Variants in SNRNP70 observed in about 807,000 individuals in gnomAD.
The protein encoded by SNRNP70 is small nuclear ribonucleoprotein U1 subunit 70, also known as U1 small nuclear ribonucleoprotein 70 kDa.
SNRNP70 carries 8 observed loss-of-function variants against 50.5 expected under a neutral mutation model. The observed-to-expected ratio is 0.16, with a 90% confidence interval of 0.09 to 0.29. SNRNP70 has a LOEUF of 0.29. SNRNP70 is among the 10% of genes least tolerant of loss of function. SNRNP70 has a pLI of 1.00. For missense variants in SNRNP70, 529 were observed against 663.5 expected, an observed-to-expected ratio of 0.80 and a Z score of 2.23; for synonymous variants, 320 against 252.9, an observed-to-expected ratio of 1.27 and a Z score of -2.52.
chr19:49,093,118 G>A (rs2040468649), intron 4 of SNRNP70, among the ~76,000 whole-genome samples: 1 of 151,216 alleles, frequency 6.6e-6, no homozygotes, highest in Non-Finnish European at 1.5e-5. Flanking sequence ...TTTTTTAGAT[G>A]GAGTTTTGCT....
At position 49,097,293 on chromosome 19, in the gene SNRNP70, C is replaced by T. The variant is rs988237978; in HGVS notation, c.266-1134C>T. Among the ~76,000 whole-genome samples the T allele has an allele frequency of 4.6e-5, 7 of 152,058 alleles. 1 individual carries two copies. Among genetic ancestry groups the T allele is most frequent in the Admixed American group, 2.6e-4 (4 of 15,262 alleles). ...TGGCCCTTCGCCACTTTAACACCTC[C>T]CTTTTTCTGTGTCTCGAGTTTGTTC... is the stretch of plus-strand genomic sequence containing the variant. On this transcript the variant is annotated intron_variant, in intron 4 of 9. Transcript: ENST00000598441.
At chr19:49,094,530 G>A (rs1056379435) in intron 4 of SNRNP70, among the ~76,000 whole-genome samples, 1 of 152,142 alleles carries the variant, frequency 6.6e-6, no homozygotes, top group Non-Finnish European at 1.5e-5. Flanking sequence ...GGAGGATAGG[G>A]ATGAAACAAG....
At chr19:49,091,513 C>T (rs972124303) in intron 4 of SNRNP70, among the ~76,000 whole-genome samples, 5 of 152,098 alleles carry the variant, frequency 3.3e-5, no homozygotes, top group Non-Finnish European at 7.4e-5. Flanking sequence ...AGCAGTGGGA[C>T]GCACCCTCTA....
chr19:49,108,157 C>A lies in SNRNP70; in HGVS notation c.1028C>A (p.Pro343Gln). The A allele has an allele frequency of 6.5e-7, 1 of 1,543,310 alleles. No individual in the cohort carries two copies. Among genetic ancestry groups the A allele is most frequent in the Non-Finnish European group, 8.7e-7 (1 of 1,144,516 alleles). ...CTCGGGCCTGACGGCCCTGACGGTC[C>A]AGAGGAAAAGGGCCGGGATCGTGAC... is the stretch of plus-strand genomic sequence containing the variant. ...GELGPDGPDG[P>Q]EEKGRDRDRE... Residue 343 changes from proline to glutamine, a missense_variant, in exon 10 of 10, where the codon CCA becomes CAA. By Grantham distance (76) the Pro-to-Gln change is moderately conservative (BLOSUM62 -1). Coordinates refer to ENST00000598441, the MANE Select transcript of SNRNP70 (RefSeq NM_003089.6).
At position 49,095,968 on chromosome 19, in the gene SNRNP70, G is replaced by A. The variant is rs376750163; in HGVS notation, c.266-2459G>A. 2.7e-3 allele frequency among the ~76,000 whole-genome samples: 346 copies of A among 128,238 alleles called. 1 individual carries two copies. The highest frequency in any genetic ancestry group is 3.0e-3 in the Non-Finnish European group (181 of 61,006). The allele number at this position is 128,238 out of a possible 152,430, so 84.1% of individuals were successfully genotyped here. ...TTACCTATTGAATGAATGAGAGTTA[G>A]CTGGTGCAAAAAAAAAAAAAAAAAA... On this transcript the variant is annotated intron_variant, in intron 4 of 9. Transcript: ENST00000598441.
chr19:49,086,601 G>C, intron 2 of SNRNP70, 40 bp downstream of exon 2: 1 of 1,595,560 alleles, frequency 6.3e-7, no homozygotes, highest in Non-Finnish European at 8.6e-7. Flanking sequence ...TTGGGTTCTG[G>C]GGAGCAACGG....
rs774739514 is a variant in SNRNP70, at chr19:49,104,529, G to T, written c.476-105G>T. ...CTGTCTGTTGGGCGTGTGCGTGTGC[G>T]TGATGATGGGGACACGGGGCGGGGA... On this transcript the variant is annotated intron_variant, in intron 7 of 9. Transcript: ENST00000598441. The surrounding 1 kb of genome is among the most constrained non-coding windows in gnomAD (Gnocchi z 5.4). The T allele has an allele frequency of 2.4e-6, 2 of 849,060 alleles. No individual in the cohort carries two copies. Among genetic ancestry groups the T allele is most frequent in the Non-Finnish European group, 3.9e-6 (2 of 517,714 alleles). 52.6% of individuals were successfully genotyped at this position (849,060 alleles called of 1,614,324 possible). A position where few individuals can be genotyped will look rare whatever the true frequency, so the allele number is the denominator to read the frequency against.
At chr19:49,105,736 A>C (rs200597830) in intron 8 of SNRNP70, among the ~76,000 whole-genome samples, 5 of 145,342 alleles carry the variant, frequency 3.4e-5, no homozygotes. Context: ...TCTCAAAAAA[A>C]AAAACAAAAA....
intron 7 of SNRNP70, chr19:49,102,501 G>A (rs2040601975): frequency 3.9e-6 from 1 of 254,138 alleles, no homozygotes; most frequent in Admixed American, 4.6e-5. Flanking sequence ...CCGAGGGCAG[G>A]GCTCCAGGCC....
intron 1 of SNRNP70, 38 bp downstream of exon 1, chr19:49,085,674 G>C (rs1308561911): frequency 2.2e-6 from 1 of 455,386 alleles, no homozygotes; most frequent in South Asian, 1.6e-5. Flanking sequence ...CGGGGTGCGG[G>C]GCCGCTACCC....
In SNRNP70 at chr19:49,104,500, C is replaced by T. The variant is rs1475143774; in HGVS notation, c.476-134C>T. 3 of 697,326 alleles carry T rather than the reference C, an allele frequency of 4.3e-6. No homozygotes were observed. The highest frequency in any genetic ancestry group is 2.2e-5 in the Admixed American group (1 of 45,840). 43.2% of individuals were successfully genotyped at this position (697,326 alleles called of 1,614,324 possible). On this transcript the variant is annotated intron_variant, in intron 7 of 9. Transcript: ENST00000598441. The surrounding 1 kb of genome is among the most constrained non-coding windows in gnomAD (Gnocchi z 5.4). ...GAGGGTTGGTCTGGCTGTCAGTTGC[C>T]TGGCTGTCTGTTGGGCGTGTGCGTG...
intron 4 of SNRNP70, 36 bp downstream of exon 4, chr19:49,090,556 C>A (rs1013804813): frequency 3.1e-6 from 5 of 1,598,138 alleles, no homozygotes; most frequent in Admixed American, 1.7e-5. Flanking sequence ...TCTCTCCTCT[C>A]CCAAACCCTC....
rs375356328 is a variant in SNRNP70, at chr19:49,104,757, C to T, written c.577+22C>T. ...CTAGGTGAGCACATCCTGCCTTCGA[C>T]GGGCTCTCGGGGGCCCTGGGCCTGG... On this transcript the variant is annotated intron_variant, in intron 8 of 9. Coordinates refer to ENST00000598441, the MANE Select transcript of SNRNP70 (RefSeq NM_003089.6). The surrounding 1 kb of genome is among the most constrained non-coding windows in gnomAD (Gnocchi z 5.4). 2.0e-5 allele frequency: 29 copies of T among 1,471,326 alleles called. No homozygotes were observed. The highest frequency in any genetic ancestry group is 9.9e-5 in the African/African-American group (7 of 70,932). The allele number at this position is 1,471,326 out of a possible 1,614,324, so 91.1% of individuals were successfully genotyped here. A position where few individuals can be genotyped will look rare whatever the true frequency, so the allele number is the denominator to read the frequency against.
At position 49,108,456 on chromosome 19, in the gene SNRNP70, C is replaced by G. The variant is rs780360851; in HGVS notation, c.*13C>G. The stretch of plus-strand genomic sequence containing the variant: ...TGCGCCGGAGTGAAGAGGTCGTCCT[C>G]TCCATCTGCTGTGTTTGGACGCGTT... On this transcript the variant is annotated 3_prime_UTR_variant, in exon 10 of 10. Transcript: ENST00000598441. 6.3e-7 allele frequency: 1 copy of G among 1,582,272 alleles called. No homozygotes were observed. Among genetic ancestry groups the G allele is most frequent in the South Asian group, 1.2e-5 (1 of 86,530 alleles).
chr19:49,106,128 C>T (rs1441418791), intron 8 of SNRNP70, among the ~76,000 whole-genome samples: 2 of 152,172 alleles, frequency 1.3e-5, no homozygotes, highest in South Asian at 2.1e-4. Context: ...AGGGAGACCA[C>T]GCTCTCAGCT....
chr19:49,090,713 TA>T, intron 4 of SNRNP70, 193 bp downstream of exon 4: 2 of 611,188 alleles, frequency 3.3e-6, no homozygotes, highest in South Asian at 2.0e-5. Flanking sequence ...GAACATAGGG[TA>T]AAAGTTGGCA....
intron 6 of SNRNP70, among the ~76,000 whole-genome samples, chr19:49,099,754 T>G (rs1211604298): frequency 5.4e-5 from 5 of 92,570 alleles, no homozygotes; most frequent in South Asian, 7.8e-4. Context: ...AAAAAAAAAG[T>G]ATTGTAGGCT....
At chr19:49,093,959 T>G (rs1175938053) in intron 4 of SNRNP70, among the ~76,000 whole-genome samples, 5 of 142,222 alleles carry the variant, frequency 3.5e-5, no homozygotes, top group East Asian at 2.2e-4. Flanking sequence ...GGAGGCGGAG[T>G]TTGCAGTGAG....
chr19:49,087,508 G>C (rs2040397100), intron 2 of SNRNP70: 1 of 152,170 alleles, frequency 6.6e-6, no homozygotes, highest in Non-Finnish European at 1.5e-5. Context: ...TTAGCACCCA[G>C]TATTGAGTAT....
Sources: gnomAD v4.1 joint callset for allele counts (sites outside exome capture counted in the v4.1 genomes callset) on GRCh38, gnomAD v4.1.1 for gene constraint, Gnocchi (gnomAD v3.1) non-coding constraint, MANE v1.5 for transcripts, NCBI Gene and HGNC (gene_info 2026-07-23, HGNC 2026-07-21) for gene names.